Variants in TNNI3K observed in about 807,000 individuals in gnomAD.
TNNI3K encodes TNNI3 interacting kinase, also known as serine/threonine-protein kinase TNNI3K.
A neutral mutation model predicts 114.5 loss-of-function variants in TNNI3K; 140 were observed. The observed-to-expected ratio is 1.22, with a 90% CI of 1.07 to 1.41. TNNI3K has a LOEUF of 1.41. Ranked by LOEUF, TNNI3K falls within the 40% of genes most tolerant of loss-of-function variation. TNNI3K has a pLI of 0.00. For missense variants in TNNI3K, 1,125 were observed against 1,007.6 expected (o/e 1.12, Z -1.58); for synonymous variants, 347 against 347.5 (o/e 1.00, Z 0.02).
intron 2 of TNNI3K, among the ~76,000 whole-genome samples, chr1:74,239,101 A>T (rs539756560): frequency 1.3e-5 from 2 of 152,242 alleles, no homozygotes; most frequent in Admixed American, 6.5e-5. Context: ...GATGAGGAAT[A>T]TGGGAACAGA....
At chr1:74,502,900 C>T (rs896853316) in intron 23 of TNNI3K, among the ~76,000 whole-genome samples, 1 of 152,170 alleles carries the variant, frequency 6.6e-6, no homozygotes, top group African/African-American at 2.4e-5. Context: ...ACTCTCTGAC[C>T]ACATTTGTAA....
intron 24 of TNNI3K, 86 bp from the exon 25 acceptor site, chr1:74,543,820 A>T: frequency 6.7e-7 from 1 of 1,490,430 alleles, no homozygotes; most frequent in Non-Finnish European, 9.3e-7. Context: ...GATCTGGAAG[A>T]CCTGCCTGGT....
intron 23 of TNNI3K, among the ~76,000 whole-genome samples, chr1:74,536,501 A>G (rs1263498885): frequency 6.6e-6 from 1 of 152,166 alleles, no homozygotes; most frequent in Non-Finnish European, 1.5e-5. Context: ...ATGCACCTTT[A>G]TAAAAACGGT....
At chr1:74,239,781 G>A (rs1046026566) in intron 2 of TNNI3K, among the ~76,000 whole-genome samples, 4 of 152,066 alleles carry the variant, frequency 2.6e-5, no homozygotes, top group African/African-American at 9.7e-5. Flanking sequence ...ATAATAAACA[G>A]CAATATAGTG....
At chr1:74,318,735 A>G in intron 5 of TNNI3K, among the ~76,000 whole-genome samples, 1 of 152,148 alleles carries the variant, frequency 6.6e-6, no homozygotes, top group East Asian at 1.9e-4. Flanking sequence ...TATCATAGTT[A>G]TTTTGTTTCT....
At chr1:74,481,752 A>G (rs1244343832) in intron 21 of TNNI3K, among the ~76,000 whole-genome samples, 1 of 152,206 alleles carries the variant, frequency 6.6e-6, no homozygotes, top group Non-Finnish European at 1.5e-5. Flanking sequence ...AACTCAATAA[A>G]GAAGTATTAT....
At chr1:74,483,188 G>A in intron 21 of TNNI3K, 1 of 702,192 alleles carries the variant, frequency 1.4e-6, no homozygotes, top group East Asian at 2.7e-5. Context: ...AGAACAGTCA[G>A]TACAATGAAA....
At chr1:74,512,170 G>A (rs1331409210) in intron 23 of TNNI3K, among the ~76,000 whole-genome samples, 1 of 152,190 alleles carries the variant, frequency 6.6e-6, no homozygotes, top group East Asian at 1.9e-4. Flanking sequence ...TCGAACCTGT[G>A]AGGGACCATA....
chr1:74,406,346 C>G (rs1042562478), intron 17 of TNNI3K, among the ~76,000 whole-genome samples: 1 of 152,166 alleles, frequency 6.6e-6, no homozygotes, highest in African/African-American at 2.4e-5. Context: ...AGCTCATCAG[C>G]TATCATTAGT....
At chr1:74,439,727 G>T (rs1405797693) in intron 20 of TNNI3K, 105 bp downstream of exon 20, 43 of 1,499,982 alleles carry the variant, frequency 2.9e-5, no homozygotes, top group Non-Finnish European at 3.8e-5. Context: ...CAGTGAGATG[G>T]CAAAAGAGGA....
Position 74,335,897 on chromosome 1 carries a change from G to A in TNNI3K, c.544-114G>A, listed in dbSNP as rs898019322. On this transcript the variant is annotated intron_variant, in intron 6 of 24. Transcript: ENST00000326637. Reference sequence around the variant, plus strand: ...GTTCCAGTTTTGGACTTCTTGCTAGGTGATATAACAATAAATTTTTGTGGT... The same window carrying A: ...GTTCCAGTTTTGGACTTCTTGCTAGATGATATAACAATAAATTTTTGTGGT... 3.5e-6 allele frequency: 4 copies of A among 1,157,010 alleles called. No individual in the cohort carries two copies. In the South Asian group the frequency reaches 7.4e-5, roughly 21 times the overall value. The allele number at this position is 1,157,010 out of a possible 1,614,324, so 71.7% of individuals were successfully genotyped here. A position where few individuals can be genotyped will look rare whatever the true frequency, so the allele number is the denominator to read the frequency against.
intron 5 of TNNI3K, among the ~76,000 whole-genome samples, chr1:74,308,818 TAAC>T (rs553428168): frequency 7.0e-4 from 106 of 151,716 alleles, no homozygotes; most frequent in African/African-American, 2.4e-3. Context: ...GTGACAAAAA[TAAC>T]AACAACTGAT....
chr1:74,368,990 T>A (rs772042639), intron 13 of TNNI3K, 32 bp from the exon 14 acceptor site: 2 of 1,572,702 alleles, frequency 1.3e-6, no homozygotes, highest in South Asian at 2.4e-5. Context: ...GGTTTTTACC[T>A]TAAAAAATAA....
At chr1:74,447,204 T>C (rs1369621841) in intron 20 of TNNI3K, among the ~76,000 whole-genome samples, 4 of 150,940 alleles carry the variant, frequency 2.7e-5, no homozygotes, top group African/African-American at 9.9e-5. Context: ...GTTTGTATCC[T>C]CTTTTATTTC....
intron 5 of TNNI3K, among the ~76,000 whole-genome samples, chr1:74,306,210 A>T (rs939134811): frequency 6.6e-6 from 1 of 152,216 alleles, no homozygotes; most frequent in African/African-American, 2.4e-5. Context: ...TGCAGAGGAC[A>T]TAATCTAAAC....
intron 21 of TNNI3K, among the ~76,000 whole-genome samples, chr1:74,481,984 T>G (rs1407286412): frequency 6.6e-6 from 1 of 152,124 alleles, no homozygotes; most frequent in Non-Finnish European, 1.5e-5. Flanking sequence ...ATTCTCAGAG[T>G]GCCTTCTTTT....
intron 20 of TNNI3K, among the ~76,000 whole-genome samples, chr1:74,462,586 CAA>C (rs1390887924): frequency 2.0e-5 from 3 of 152,178 alleles, no homozygotes; most frequent in Non-Finnish European, 2.9e-5. Context: ...ACAACAACAA[CAA>C]CACCTACTTT....
chr1:74,447,809 A>C (rs1464904589), intron 20 of TNNI3K, among the ~76,000 whole-genome samples: 1 of 2,978 alleles, frequency 3.4e-4, no homozygotes, highest in African/African-American at 2.2e-3. Context: ...ACACATGCAC[A>C]CGTATGTTTA....
intron 21 of TNNI3K, among the ~76,000 whole-genome samples, chr1:74,474,516 T>G (rs1434468492): frequency 6.6e-6 from 1 of 152,182 alleles, no homozygotes. Context: ...ATACAGCACC[T>G]CTGTCATTCA....
Sources: gnomAD v4.1 joint callset for allele counts (sites outside exome capture counted in the v4.1 genomes callset) on GRCh38, gnomAD v4.1.1 for gene constraint, MANE v1.5 for transcripts, NCBI Gene and HGNC (gene_info 2026-07-23, HGNC 2026-07-21) for gene names.